The following ENTHD1 variants were observed in gnomAD, a reference collection of about 807,000 sequenced individuals.
The protein encoded by ENTHD1 is ENTH domain-containing protein 1.
A neutral mutation model predicts 39.1 loss-of-function variants in ENTHD1; 23 were observed. The ratio of observed to expected loss-of-function variants is 0.59; its 90% confidence interval spans 0.42 to 0.83. ENTHD1 has a LOEUF of 0.83. ENTHD1 is among the 40% of genes least tolerant of loss of function. ENTHD1 has a pLI of 0.00. For missense variants in ENTHD1, 624 were observed against 705.4 expected, an observed-to-expected ratio of 0.88 and a Z score of 1.31; for synonymous variants, 230 against 258.2, an observed-to-expected ratio of 0.89 and a Z score of 1.05.
intron 4 of ENTHD1, among the ~76,000 whole-genome samples, chr22:39,833,342 T>C (rs1055665955): frequency 6.6e-6 from 1 of 152,102 alleles, no homozygotes; most frequent in Admixed American, 6.6e-5. Context: ...TAACCAGCCA[T>C]TGGAGGAGCA....
chr22:39,859,136 T>G (rs1477140069), intron 3 of ENTHD1, among the ~76,000 whole-genome samples: 1 of 152,224 alleles, frequency 6.6e-6, no homozygotes, highest in Non-Finnish European at 1.5e-5. Flanking sequence ...TTCAAGATTT[T>G]CTTCTGCAGT....
chr22:39,872,474 G>A (rs1253921719), intron 2 of ENTHD1, among the ~76,000 whole-genome samples: 1 of 151,906 alleles, frequency 6.6e-6, no homozygotes, highest in Non-Finnish European at 1.5e-5. Flanking sequence ...CTTTCTATGA[G>A]AATCTAAACT....
intron 5 of ENTHD1, among the ~76,000 whole-genome samples, chr22:39,813,967 A>T: frequency 6.6e-6 from 1 of 152,210 alleles, no homozygotes; most frequent in East Asian, 1.9e-4. Context: ...ATGAAAATAC[A>T]TAAGTACCTA....
chr22:39,818,486 T>C (rs563927947), intron 5 of ENTHD1, among the ~76,000 whole-genome samples: 82 of 152,144 alleles, frequency 5.4e-4, no homozygotes, highest in Non-Finnish European at 1.1e-3. Context: ...GAGAAGAAAG[T>C]ACACAAGCAA....
Position 39,756,287 on chromosome 22 carries a change from GTCTCTCTCTCTC to G in ENTHD1, c.1219+8924_1219+8935del, listed in dbSNP as rs769318998. Among the ~76,000 whole-genome samples, 10 of 144,424 alleles carry G rather than the reference GTCTCTCTCTCTC, an allele frequency of 6.9e-5. No individual in the cohort carries two copies. The South Asian group carries it at 1.8e-3, about 26-fold the overall frequency. The allele number at this position is 144,424 out of a possible 152,430, so 94.7% of individuals were successfully genotyped here. A position where few individuals can be genotyped will look rare whatever the true frequency, so the allele number is the denominator to read the frequency against. On this transcript the variant is annotated intron_variant, in intron 6 of 6. Transcript: ENST00000325157. ...TGTTGTTAAACCTATCAATGTCTCT[GTCTCTCTCTCTC>G]TCTCTCTCTCTCTCTCTCACACACA...
At chr22:39,775,659 C>T (rs527646048) in intron 5 of ENTHD1, among the ~76,000 whole-genome samples, 2 of 152,266 alleles carry the variant, frequency 1.3e-5, no homozygotes, top group Non-Finnish European at 2.9e-5. Flanking sequence ...GATTTCCCCT[C>T]GGGCTCACTC....
At chr22:39,813,766 G>A (rs2065711739) in intron 5 of ENTHD1, among the ~76,000 whole-genome samples, 1 of 152,076 alleles carries the variant, frequency 6.6e-6, no homozygotes, top group African/African-American at 2.4e-5. Context: ...TAAGAAATAA[G>A]TTCATTATTA....
intron 2 of ENTHD1, among the ~76,000 whole-genome samples, chr22:39,872,105 A>G (rs938578047): frequency 6.6e-6 from 1 of 152,162 alleles, no homozygotes; most frequent in Admixed American, 6.5e-5. Context: ...TAGTCTGAAA[A>G]TTAAATCTGA....
intron 6 of ENTHD1, among the ~76,000 whole-genome samples, chr22:39,751,748 A>C (rs2065149079): frequency 6.6e-6 from 1 of 152,162 alleles, no homozygotes; most frequent in African/African-American, 2.4e-5. Context: ...GAGTCTTCTA[A>C]AACTTCTTGC....
chr22:39,845,490 GAGA>G (rs2146693809), intron 3 of ENTHD1, among the ~76,000 whole-genome samples: 1 of 152,274 alleles, frequency 6.6e-6, no homozygotes, highest in South Asian at 2.1e-4. Flanking sequence ...AAAACGAGCA[GAGA>G]AGGAGGGAAG....
At chr22:39,857,115 A>G (rs1222064212) in intron 3 of ENTHD1, among the ~76,000 whole-genome samples, 1 of 152,160 alleles carries the variant, frequency 6.6e-6, no homozygotes, top group Admixed American at 6.5e-5. Context: ...GAGACATGTC[A>G]TAAAGATGGA....
At chr22:39,793,108 T>G (rs1325029591) in intron 5 of ENTHD1, among the ~76,000 whole-genome samples, 1 of 152,190 alleles carries the variant, frequency 6.6e-6, no homozygotes, top group Admixed American at 6.5e-5. Flanking sequence ...ATTCCCTATC[T>G]TTTTGATAAA....
chr22:39,855,614 A>C (rs866911715), intron 3 of ENTHD1, among the ~76,000 whole-genome samples: 3 of 152,084 alleles, frequency 2.0e-5, no homozygotes, highest in Non-Finnish European at 2.9e-5. Flanking sequence ...GAAGAAAGAA[A>C]AAAAAGGGAA....
At chr22:39,875,433 C>T in intron 2 of ENTHD1, 1 of 1,511,614 alleles carries the variant, frequency 6.6e-7, no homozygotes, top group Non-Finnish European at 8.8e-7. Context: ...CTGAAGCGGC[C>T]CTTCCTCAGC....
At chr22:39,757,886 T>C (rs1352305921) in intron 6 of ENTHD1, among the ~76,000 whole-genome samples, 1 of 152,076 alleles carries the variant, frequency 6.6e-6, no homozygotes, top group East Asian at 1.9e-4. Context: ...TATAAGTGTT[T>C]GACAGTTCCT....
Position 39,765,613 on chromosome 22 carries a change from T to C in ENTHD1, c.833-4A>G, listed in dbSNP as rs1555922634. The C allele has an allele frequency of 6.3e-7, 1 of 1,591,662 alleles. No homozygotes were observed. The highest frequency in any genetic ancestry group is 2.2e-5 in the East Asian group (1 of 44,646). On this transcript the variant is annotated splice_region_variant and splice_polypyrimidine_tract_variant and intron_variant, in intron 5 of 6. Transcript: ENST00000325157. ...TCTGAGAGAGTAGGCACAGCATCTA[T>C]AAAAGAACAAATAAGAGCTATAATC... is the stretch of plus-strand genomic sequence containing the variant.
At chr22:39,838,843 T>G (rs1156639546) in intron 3 of ENTHD1, among the ~76,000 whole-genome samples, 3 of 152,152 alleles carry the variant, frequency 2.0e-5, no homozygotes, top group Non-Finnish European at 4.4e-5. Flanking sequence ...TATTTTATAT[T>G]AGAATAAAAT....
intron 1 of ENTHD1, among the ~76,000 whole-genome samples, chr22:39,889,750 C>A (rs1452674976): frequency 6.6e-6 from 1 of 151,986 alleles, no homozygotes; most frequent in Non-Finnish European, 1.5e-5. Context: ...AATGAGATAA[C>A]CTCTTTTTGG....
intron 3 of ENTHD1, among the ~76,000 whole-genome samples, chr22:39,847,510 G>A (rs1291406933): frequency 2.7e-5 from 4 of 150,868 alleles, no homozygotes; most frequent in Admixed American, 2.0e-4. Context: ...AAAACTTAAA[G>A]TATAATAATA....
Sources: allele counts gnomAD v4.1 joint callset (sites outside exome capture counted in the v4.1 genomes callset), GRCh38; gene constraint gnomAD v4.1.1; transcripts MANE v1.5; gene names NCBI Gene and HGNC (gene_info 2026-07-23, HGNC 2026-07-21).